Variants in GANAB observed in about 807,000 individuals in gnomAD.
GANAB encodes the protein neutral alpha-glucosidase AB.
A neutral mutation model predicts 129.9 loss-of-function variants in GANAB; 35 were observed. The ratio of observed to expected loss-of-function variants is 0.27; its 90% CI spans 0.21 to 0.36. The LOEUF (loss-of-function observed/expected upper bound fraction) is 0.36. GANAB is among the 10% of genes least tolerant of loss of function. The pLI, the probability that GANAB is intolerant of heterozygous loss-of-function variation, is 1.00. For synonymous variants in GANAB, 482 were observed against 451.8 expected (o/e 1.07, Z -0.85); for missense variants, 939 against 1,221.0 (o/e 0.77, Z 3.44).
intron 4 of GANAB, among the ~76,000 whole-genome samples, chr11:62,636,059 C>T (rs1943926885): frequency 6.6e-6 from 1 of 152,046 alleles, no homozygotes; most frequent in Non-Finnish European, 1.5e-5. Flanking sequence ...GGCACAATCT[C>T]GGCTCATTGC....
Position 62,625,814 on chromosome 11 carries a change from G to GT in GANAB, c.2835dup. 1.3e-6 allele frequency: 2 copies of GT among 1,573,668 alleles called. No homozygotes were observed. The highest frequency in any genetic ancestry group is 1.7e-6 in the Non-Finnish European group (2 of 1,143,550). On this transcript the variant is annotated 3_prime_UTR_variant, in exon 24 of 24. Coordinates refer to ENST00000356638, the MANE Select transcript of GANAB (RefSeq NM_198334.3). ...CCCCCTAACCCAGAACATCCCTTGG[G>GT]TTATCGCAGGTGAATACTCCAATCA...
At chr11:62,634,697 A>G (rs995696934) in intron 5 of GANAB, 124 bp downstream of exon 5, 11 of 792,368 alleles carry the variant, frequency 1.4e-5, no homozygotes, top group Non-Finnish European at 2.3e-5. Context: ...CCTGACAGAG[A>G]GCTTCTCCCA....
chr11:62,624,838 T>C lies in GANAB; in HGVS notation c.*977A>G, dbSNP rs576487799. The C allele has an allele frequency of 3.8e-4, 84 of 221,290 alleles. No homozygotes were observed. Among genetic ancestry groups the C allele is most frequent in the African/African-American group, 1.9e-3 (81 of 42,078 alleles). 13.7% of individuals were successfully genotyped at this position (221,290 alleles called of 1,614,324 possible). ...AGACTACCACCAGTTATTTATGGTTTATCCCTTTATTGTTTCTCCTTTGAT... is the reference window on the plus strand; with the variant it reads ...AGACTACCACCAGTTATTTATGGTTCATCCCTTTATTGTTTCTCCTTTGAT... On this transcript the variant is annotated 3_prime_UTR_variant, in exon 24 of 24. Transcript: ENST00000356638.
At chr11:62,644,687 G>A (rs896790791) in intron 1 of GANAB, among the ~76,000 whole-genome samples, 25 of 152,056 alleles carry the variant, frequency 1.6e-4, no homozygotes, top group Admixed American at 1.1e-3. Flanking sequence ...AGCTGGGCAC[G>A]GTGGCACACG....
chr11:62,633,409 G>T, intron 6 of GANAB, 36 bp downstream of exon 6: 1 of 1,603,942 alleles, frequency 6.2e-7, no homozygotes, highest in Non-Finnish European at 8.5e-7. Flanking sequence ...CTCCCAGCCA[G>T]CCCTATCCTC....
chr11:62,625,584 G>C lies in GANAB; in HGVS notation c.*231C>G. The C allele has an allele frequency of 1.8e-6, 1 of 558,282 alleles. No individual in the cohort carries two copies. Among genetic ancestry groups the C allele is most frequent in the South Asian group, 2.0e-5 (1 of 49,352 alleles). The allele number at this position is 558,282 out of a possible 1,614,324, so 34.6% of individuals were successfully genotyped here. ...CTCCAGTTAGAGCAACAGGATGTTG[G>C]GGGAATGAAGGGAAAGAGTTGGTAT... On this transcript the variant is annotated 3_prime_UTR_variant, in exon 24 of 24. Transcript: ENST00000356638.
intron 1 of GANAB, 107 bp downstream of exon 1, chr11:62,646,455 C>G: frequency 7.6e-7 from 1 of 1,313,522 alleles, no homozygotes; most frequent in East Asian, 2.4e-5. Flanking sequence ...AGGTTCCTCA[C>G]GAGGCCGGGG....
In GANAB at chr11:62,625,625, G is replaced by A; in HGVS notation, c.*190C>T. Reference sequence around the variant, plus strand: ...GAGTTGGTATCAATGGAGTGGGAGAGGTGAGGAGATCACAAGAGGAATTTG... The same window carrying A: ...GAGTTGGTATCAATGGAGTGGGAGAAGTGAGGAGATCACAAGAGGAATTTG... On this transcript the variant is annotated 3_prime_UTR_variant, in exon 24 of 24. Transcript: ENST00000356638. 1.7e-6 allele frequency: 1 copy of A among 601,500 alleles called. No individual in the cohort carries two copies. Among genetic ancestry groups the A allele is most frequent in the Non-Finnish European group, 3.0e-6 (1 of 335,416 alleles). 37.3% of individuals were successfully genotyped at this position (601,500 alleles called of 1,614,324 possible).
At position 62,629,705 on chromosome 11, in the gene GANAB, C is replaced by G. The variant is rs948683; in HGVS notation, c.1738-21G>C. 0.99 allele frequency: 1,595,770 copies of G among 1,609,590 alleles called. 791,779 individuals are homozygous for G. The highest frequency in any genetic ancestry group is 1 in the East Asian group (44,856 of 44,856). ...ATGTGCTGGGTGAGGAGAGAAGAGA[C>G]GGGTAGTGAGGAGCAAAAGCCAGCT... is the stretch of plus-strand genomic sequence containing the variant. On this transcript the variant is annotated intron_variant, in intron 14 of 23. Transcript: ENST00000356638.
At chr11:62,638,246 T>C (rs1014309700) in intron 4 of GANAB, among the ~76,000 whole-genome samples, 2 of 152,170 alleles carry the variant, frequency 1.3e-5, no homozygotes, top group Non-Finnish European at 2.9e-5. Context: ...CTCTGCCTCC[T>C]GGGTTCAAGT....
At chr11:62,639,895 G>C in intron 1 of GANAB, 164 bp from the exon 2 acceptor site, 1 of 608,892 alleles carries the variant, frequency 1.6e-6, no homozygotes, top group Non-Finnish European at 2.9e-6. Context: ...TGGACACAGG[G>C]TTAAGGATCA....
rs1328187185 is a variant in GANAB at position 62,627,530 on chromosome 11, G to A, written c.2181-177C>T. Among the ~76,000 whole-genome samples, 6 of 152,052 alleles carry A rather than the reference G, an allele frequency of 3.9e-5. 1 individual carries two copies. The highest frequency in any genetic ancestry group is 4.2e-4 in the South Asian group (2 of 4,816). The stretch of plus-strand genomic sequence containing the variant: ...GAAGATCACCTGAGGTCAGGAGTTC[G>A]AGATCAGCCTGAACAACATGGTGAA... On this transcript the variant is annotated intron_variant, in intron 17 of 23. Transcript: ENST00000356638.
intron 1 of GANAB, among the ~76,000 whole-genome samples, chr11:62,640,684 T>G (rs1351181210): frequency 1.3e-5 from 2 of 150,796 alleles, no homozygotes; most frequent in Non-Finnish European, 3.0e-5. Context: ...ATACACAAAA[T>G]TATCCAGGCG....
At chr11:62,638,944 A>G in intron 4 of GANAB, 39 bp downstream of exon 4, 1 of 1,605,216 alleles carries the variant, frequency 6.2e-7, no homozygotes, top group Non-Finnish European at 8.5e-7. Flanking sequence ...GGAAGGAGAA[A>G]GGGGCCACAG....
chr11:62,633,122 C>G (rs1233336299), intron 7 of GANAB, 21 bp from the exon 8 acceptor site: 1 of 1,604,642 alleles, frequency 6.2e-7, no homozygotes, highest in Non-Finnish European at 8.5e-7. Context: ...AACAAACAAG[C>G]TTCAGAGCTT....
intron 9 of GANAB, 22 bp from the exon 10 acceptor site, chr11:62,631,205 G>A (rs749938543): frequency 2.6e-6 from 4 of 1,523,016 alleles, no homozygotes; most frequent in South Asian, 2.6e-5. Flanking sequence ...ACCACAAAGG[G>A]GTCAGACACC....
intron 4 of GANAB, among the ~76,000 whole-genome samples, chr11:62,637,274 C>T (rs913788490): frequency 2.0e-5 from 3 of 152,046 alleles, no homozygotes; most frequent in Non-Finnish European, 2.9e-5. Context: ...ACAAATGAAC[C>T]ATAGTCATAT....
rs753320619 is a variant in GANAB at position 62,632,640 on chromosome 11, A to C, written c.921T>G (p.Pro307=). 6.2e-7 allele frequency: 1 copy of C among 1,614,036 alleles called. No homozygotes were observed. The highest frequency in any genetic ancestry group is 1.1e-5 in the South Asian group (1 of 91,082). The change falls in exon 9 of 24, where the codon CCT becomes CCG. Residue 307 remains proline, a synonymous_variant. Coordinates refer to ENST00000356638, the MANE Select transcript of GANAB (RefSeq NM_198334.3). ...GSVPVLLAHN[P]HRDLGIFWLN... The stretch of plus-strand genomic sequence containing the variant: ...GCCAGAAGATGCCCAAGTCGCGATG[A>C]GGGTTGTGTGCCAGGAGCACAGGCA...
chr11:62,636,028 T>C (rs994691279), intron 4 of GANAB, among the ~76,000 whole-genome samples: 1 of 152,140 alleles, frequency 6.6e-6, no homozygotes, highest in Non-Finnish European at 1.5e-5. Context: ...TCTCACTCTA[T>C]CACCCAGACT....
Sources: allele counts gnomAD v4.1 joint callset (sites outside exome capture counted in the v4.1 genomes callset), GRCh38; gene constraint gnomAD v4.1.1; transcripts MANE v1.5; gene names NCBI Gene and HGNC (gene_info 2026-07-23, HGNC 2026-07-21).